Variants in CLIC5 observed in about 807,000 individuals in gnomAD.
CLIC5 encodes the protein CLIC family member 5, also known as chloride intracellular channel protein 5.
A neutral mutation model predicts 24.7 loss-of-function variants in CLIC5; 20 were observed. That is an observed-to-expected ratio of 0.81 (90% CI 0.57 to 1.18). The LOEUF (loss-of-function observed/expected upper bound fraction) is 1.18. Among genes scored for constraint, CLIC5 ranks in the 50% most tolerant of loss-of-function variants. CLIC5 has a pLI of 0.00. For missense variants in CLIC5, 341 were observed against 326.1 expected (o/e 1.05, Z -0.35); for synonymous variants, 159 against 135.6 (o/e 1.17, Z -1.20).
chr6:46,129,508 C>T, the CLIC5 span: 1 of 152,242 alleles, frequency 6.6e-6, no homozygotes, highest in Non-Finnish European at 1.5e-5. Flanking sequence ...TATTACCTAA[C>T]TTCCCCGGTA....
rs563554154 is a variant in CLIC5, at chr6:45,961,735, C to T, written c.64-6491G>A. On this transcript the variant is annotated intron_variant, in intron 1 of 5. Transcript: ENST00000339561. ...TTAGCAGGGATGGGACTTGGTGGTACGTGGTCCACATGAGGACAGAGAGGT... is the reference window on the plus strand; with the variant it reads ...TTAGCAGGGATGGGACTTGGTGGTATGTGGTCCACATGAGGACAGAGAGGT... Among the ~76,000 whole-genome samples, 19 of 152,056 alleles carry T rather than the reference C, an allele frequency of 1.2e-4. No individual in the cohort carries two copies. In the South Asian group the frequency reaches 3.3e-3, roughly 27 times the overall value.
chr6:45,925,329 T>TG (rs1763438854), intron 4 of CLIC5, among the ~76,000 whole-genome samples: 1 of 151,808 alleles, frequency 6.6e-6, no homozygotes, highest in Non-Finnish European at 1.5e-5. Context: ...TTTTTTTTTT[T>TG]TTTTTGAGAT....
chr6:46,006,047 AAT>A lies in CLIC5; in HGVS notation c.63+9431_63+9432del, dbSNP rs35387272. On this transcript the variant is annotated intron_variant, in intron 1 of 5. Transcript: ENST00000339561. ...ATGTATAAATATATATACATGTATA[AAT>A]ATATATATACATGTATAAATATATA... 3.0e-3 allele frequency among the ~76,000 whole-genome samples: 383 copies of A among 126,740 alleles called. 1 individual carries two copies. The highest frequency in any genetic ancestry group is 0.011 in the African/African-American group (331 of 31,242). 83.1% of individuals were successfully genotyped at this position (126,740 alleles called of 152,430 possible).
At chr6:46,018,602 A>G (rs1767086050), upstream of CLIC5, 1 of 152,230 alleles carries the variant, frequency 6.6e-6, no homozygotes. Context: ...GTACCCTTTA[A>G]TGTTAAAGAA....
chr6:45,932,243 G>A (rs959282023), intron 4 of CLIC5, among the ~76,000 whole-genome samples: 50 of 151,854 alleles, frequency 3.3e-4, no homozygotes, highest in African/African-American at 1.2e-3. Context: ...TCAAGTAGAT[G>A]GGATATAGGC....
chr6:45,967,430 C>T (rs1765052595), intron 1 of CLIC5, among the ~76,000 whole-genome samples: 1 of 152,166 alleles, frequency 6.6e-6, no homozygotes. Flanking sequence ...AAGGAGCCCA[C>T]CTAAGGGTTC....
intron 1 of CLIC5, among the ~76,000 whole-genome samples, chr6:45,975,564 G>A (rs1440535043): frequency 6.6e-6 from 1 of 152,076 alleles, no homozygotes; most frequent in Non-Finnish European, 1.5e-5. Flanking sequence ...GCAGGCAAGT[G>A]CTTGTTTCTG....
intron 2 of CLIC5, among the ~76,000 whole-genome samples, chr6:45,950,427 G>A (rs1764433316): frequency 6.6e-6 from 1 of 151,694 alleles, no homozygotes; most frequent in Non-Finnish European, 1.5e-5. Flanking sequence ...AAAATTTGCT[G>A]GGCATGGAGG....
At chr6:45,975,755 G>A (rs144276119) in intron 1 of CLIC5, among the ~76,000 whole-genome samples, 40 of 152,312 alleles carry the variant, frequency 2.6e-4, no homozygotes, top group African/African-American at 7.7e-4. Flanking sequence ...AGCCAAGTTA[G>A]CTGGAGCCTT....
the CLIC5 span, among the ~76,000 whole-genome samples, chr6:46,086,101 C>T: frequency 0.13 from 20,215 of 152,228 alleles, 1,837 homozygotes; most frequent in South Asian, 0.33. Flanking sequence ...GTTGGAAAAG[C>T]GCAGTATTAG....
At chr6:45,892,741 A>G (rs1198669802) in intron 6 of CLIC5, among the ~76,000 whole-genome samples, 1 of 152,166 alleles carries the variant, frequency 6.6e-6, no homozygotes, top group Non-Finnish European at 1.5e-5. Flanking sequence ...TAAAATGTCC[A>G]TGTTGTCTTT....
At chr6:45,987,247 T>A (rs764493054) in intron 1 of CLIC5, among the ~76,000 whole-genome samples, 3 of 152,192 alleles carry the variant, frequency 2.0e-5, no homozygotes, top group Non-Finnish European at 4.4e-5. Context: ...CTGCCAGAAG[T>A]TATGGCCCCT....
At chr6:46,079,824 C>T in exon 1 of CLIC5, 1 of 1,552,226 alleles carries the variant, frequency 6.4e-7, no homozygotes, top group Non-Finnish European at 8.7e-7. Flanking sequence ...AATGGTGAAG[C>T]TTGAAGGAGA....
chr6:45,989,904 T>A (rs1340796703), intron 1 of CLIC5, among the ~76,000 whole-genome samples: 1 of 152,164 alleles, frequency 6.6e-6, no homozygotes, highest in Admixed American at 6.5e-5. Flanking sequence ...ATGGGATTCA[T>A]CTCACATCCA....
chr6:45,962,483 C>CAA (rs5875950), intron 1 of CLIC5, among the ~76,000 whole-genome samples: 2 of 112,548 alleles, frequency 1.8e-5, no homozygotes, highest in East Asian at 2.2e-4. Context: ...TAATGTCATC[C>CAA]AAAAAAAAAA....
At chr6:46,036,066 C>A (rs1767650860) in intron 1 of CLIC5, among the ~76,000 whole-genome samples, 1 of 151,708 alleles carries the variant, frequency 6.6e-6, no homozygotes, top group Admixed American at 6.6e-5. Flanking sequence ...TTTAATGACT[C>A]CTCCCCACCC....
At chr6:46,114,994 C>T in the CLIC5 span, among the ~76,000 whole-genome samples, 4 of 152,058 alleles carry the variant, frequency 2.6e-5, no homozygotes, top group African/African-American at 4.8e-5. Context: ...TAAGCACTGA[C>T]GATGAGTTAT....
intron 1 of CLIC5, among the ~76,000 whole-genome samples, chr6:45,979,702 T>TTGATGGCATTGTTATTTAAAAAACGC (rs1765503449): frequency 6.6e-6 from 1 of 152,232 alleles, no homozygotes; most frequent in Non-Finnish European, 1.5e-5. Context: ...TTAAAAAACG[T>TTGATGGCATTGTTATTTAAAAAACGC]TGATGGCATT....
intron 4 of CLIC5, among the ~76,000 whole-genome samples, chr6:45,926,658 C>A (rs1247360899): frequency 1.3e-5 from 2 of 152,094 alleles, no homozygotes; most frequent in Non-Finnish European, 2.9e-5. Context: ...TGAAAAAAGT[C>A]TAGAATTTAG....
Sources: gnomAD v4.1 joint callset for allele counts (sites outside exome capture counted in the v4.1 genomes callset) on GRCh38, gnomAD v4.1.1 for gene constraint, MANE v1.5 for transcripts, NCBI Gene and HGNC (gene_info 2026-07-23, HGNC 2026-07-21) for gene names.